The following KRI1 variants were observed in gnomAD, a reference collection of about 807,000 sequenced individuals.
KRI1 encodes the protein protein KRI1 homolog.
In KRI1, 83 loss-of-function variants were observed where a neutral mutation model predicts 97.0. The ratio of observed to expected loss-of-function variants is 0.86; its 90% CI spans 0.72 to 1.03. The LOEUF (loss-of-function observed/expected upper bound fraction) is 1.03, where lower values mean the gene tolerates loss of function less well. Ranked by LOEUF, KRI1 falls within the 50% of genes least tolerant of loss-of-function variation. KRI1 has a pLI of 0.00. For synonymous variants in KRI1, 371 were observed against 363.5 expected (o/e 1.02, Z -0.23); for missense variants, 916 against 928.4 (o/e 0.99, Z 0.17).
chr19:10,554,580 G>A lies in KRI1; in HGVS notation c.1782-299C>T, dbSNP rs545458032. 3.6e-4 allele frequency among the ~76,000 whole-genome samples: 55 copies of A among 152,126 alleles called. No homozygotes were observed. The South Asian group carries it at 9.4e-3, about 26-fold the overall frequency. Reference sequence around the variant, plus strand: ...TCTTCCTTAGAGACAAGGTCTTGCTGTGTCGCCCAGGCTGGAGTGCAGTCG... The same window carrying A: ...TCTTCCTTAGAGACAAGGTCTTGCTATGTCGCCCAGGCTGGAGTGCAGTCG... On this transcript the variant is annotated intron_variant, in intron 18 of 18. Transcript: ENST00000312962.
chr19:10,558,077 C>A lies in KRI1; in HGVS notation c.1271-17G>T. On this transcript the variant is annotated splice_polypyrimidine_tract_variant and intron_variant, in intron 13 of 18. Transcript: ENST00000312962. The stretch of plus-strand genomic sequence containing the variant: ...TCCAGTCGTCTGGATGCAGGGAGAA[C>A]AGACAGGTGGGGCCAGGGTGGGACC... 3 of 1,614,062 alleles carry A rather than the reference C, an allele frequency of 1.9e-6. No individual in the cohort carries two copies. Among genetic ancestry groups the A allele is most frequent in the Non-Finnish European group, 2.5e-6 (3 of 1,179,992 alleles).
At position 10,558,009 on chromosome 19, in the gene KRI1, C is replaced by T. The variant is rs1430720324; in HGVS notation, c.1322G>A (p.Ser441Asn). ...WDGPEQEGDW[S>N]QQELHCEDPN... ...GTCCTCACAGTGCAGCTCCTGCTGGCTCCAGTCTCCCTCCTGCTCAGGCCC... is the reference window on the plus strand; with the variant it reads ...GTCCTCACAGTGCAGCTCCTGCTGGTTCCAGTCTCCCTCCTGCTCAGGCCC... The change falls in exon 14 of 19, where the codon AGC becomes AAC. Residue 441 changes from serine to asparagine, a missense_variant. This residue lies in a region of KRI1 where 672 missense variants were observed against 667.2 expected (regional missense o/e 1.01). Transcript: ENST00000312962. 6.2e-7 allele frequency: 1 copy of T among 1,614,108 alleles called. No individual in the cohort carries two copies. The highest frequency in any genetic ancestry group is 1.1e-5 in the South Asian group (1 of 91,082).
chr19:10,565,572 G>T, intron 2 of KRI1, 145 bp downstream of exon 2: 1 of 1,062,266 alleles, frequency 9.4e-7, no homozygotes, highest in Non-Finnish European at 1.3e-6. Context: ...GGCACTGTCT[G>T]TCCCTCATGG....
intron 3 of KRI1, 63 bp downstream of exon 3, chr19:10,564,866 C>T: frequency 9.6e-7 from 1 of 1,043,252 alleles, no homozygotes. Flanking sequence ...AATCCACAGT[C>T]AGGAAAGGAC....
At position 10,557,853 on chromosome 19, in the gene KRI1, G is replaced by A. The variant is rs747542900; in HGVS notation, c.1402C>T (p.Arg468Cys). 7.0e-5 allele frequency: 113 copies of A among 1,613,420 alleles called. No homozygotes were observed. Among genetic ancestry groups the A allele is most frequent in the East Asian group, 3.3e-4 (15 of 44,888 alleles). The part of the protein sequence containing the change: ...YDPSQPRKKK[R>C]EAPLTGKKKR... ...TTCTTGCCCGTCAAGGGGGCCTCGC[G>A]CTTTTTCTTCCTCGGCTGGCTGGGG... The change falls in exon 15 of 19, where the codon CGC becomes TGC. Residue 468 changes from arginine (R) to cysteine (C), a missense_variant. Physicochemically the swap from Arg to Cys is radical, Grantham distance 180. This residue lies in a region of KRI1 where 672 missense variants were observed against 667.2 expected (regional missense o/e 1.01). Transcript: ENST00000312962.
At chr19:10,556,881 T>G (rs915015124) in intron 16 of KRI1, among the ~76,000 whole-genome samples, 8 of 151,908 alleles carry the variant, frequency 5.3e-5, no homozygotes, top group Non-Finnish European at 2.9e-5. Context: ...CACATGCCTG[T>G]AGTCCCAGCT....
chr19:10,560,063 T>C (rs780287310), intron 9 of KRI1, 127 bp from the exon 10 acceptor site: 8 of 1,277,272 alleles, frequency 6.3e-6, no homozygotes, highest in Non-Finnish European at 6.3e-6. Context: ...AGGTGCACGC[T>C]GCTATTGTCC....
rs766134474 is a variant in KRI1, at chr19:10,557,689, G to C, written c.1487-7C>G. On this transcript the variant is annotated splice_region_variant and splice_polypyrimidine_tract_variant and intron_variant, in intron 15 of 18. Transcript: ENST00000312962. ...TCCTCGAACGTCTTGTCCCCTGCTC[G>C]AGACAGAGCCAGGCTGCTGGGCTAT... is the stretch of plus-strand genomic sequence containing the variant. The C allele has an allele frequency of 6.2e-7, 1 of 1,614,196 alleles. No individual in the cohort carries two copies. The highest frequency in any genetic ancestry group is 8.5e-7 in the Non-Finnish European group (1 of 1,180,026).
At chr19:10,559,591 C>G in intron 11 of KRI1, 22 bp downstream of exon 11, 1 of 1,613,658 alleles carries the variant, frequency 6.2e-7, no homozygotes, top group Non-Finnish European at 8.5e-7. Context: ...GGGGTCCTCC[C>G]CAGCTCACCC....
rs1329616887 is a variant in KRI1, at chr19:10,555,294, C to CAGGT, written c.1669_1672dup (p.Cys558TyrfsTer53). The CAGGT allele has an allele frequency of 6.3e-7, 1 of 1,576,744 alleles. No individual in the cohort carries two copies. Among genetic ancestry groups the CAGGT allele is most frequent in the East Asian group, 2.4e-5 (1 of 41,850 alleles). The stretch of plus-strand genomic sequence containing the variant: ...CGCCCCGCCCCATCACCTGTACATG[C>CAGGT]AGGTCTTCTTTAGGGAGCACCACCG... On this transcript the variant is annotated frameshift_variant, in exon 17 of 19. Coordinates refer to ENST00000312962, the MANE Select transcript of KRI1 (RefSeq NM_023008.5). LOFTEE classifies it high-confidence loss of function.
At position 10,562,974 on chromosome 19, in the gene KRI1, T is replaced by C. The variant is rs569889319; in HGVS notation, c.275-137A>G. 2.2e-5 allele frequency: 14 copies of C among 625,096 alleles called. No individual in the cohort carries two copies. The East Asian group carries it at 3.4e-4, about 15-fold the overall frequency. The allele number at this position is 625,096 out of a possible 1,614,324, so 38.7% of individuals were successfully genotyped here. A position where few individuals can be genotyped will look rare whatever the true frequency, so the allele number is the denominator to read the frequency against. Reference sequence around the variant, plus strand: ...ACCAATTCCCAGCTGTCCAAGAGTATTGTGCTTGTCACCATCTGGTGGGGT... The same window carrying C: ...ACCAATTCCCAGCTGTCCAAGAGTACTGTGCTTGTCACCATCTGGTGGGGT... On this transcript the variant is annotated intron_variant, in intron 3 of 18. Coordinates refer to ENST00000312962, the MANE Select transcript of KRI1 (RefSeq NM_023008.5).
At chr19:10,562,859 C>T in intron 3 of KRI1, 22 bp from the exon 4 acceptor site, 6 of 1,409,948 alleles carry the variant, frequency 4.3e-6, no homozygotes, top group Non-Finnish European at 6.0e-6. Context: ...CCAAAGACAC[C>T]TGCCATCACC....
intron 16 of KRI1, among the ~76,000 whole-genome samples, chr19:10,557,080 A>T (rs1455353182): frequency 4.0e-5 from 6 of 151,862 alleles, no homozygotes; most frequent in African/African-American, 1.2e-4. Flanking sequence ...GAGGTGAGGT[A>T]ATGTTATTAG....
chr19:10,557,441 G>C, intron 16 of KRI1, 111 bp downstream of exon 16: 1 of 1,192,418 alleles, frequency 8.4e-7, no homozygotes, highest in South Asian at 1.4e-5. Context: ...GAAACAGCCT[G>C]CCATGTTGTG....
Position 10,553,160 on chromosome 19 carries a change from T to A in KRI1, c.*791A>T. ...TCTTGAGCTCTGGCAGTGATGATGG[T>A]ACTTCCTGTTGTCAGCCCCTCAAGC... On this transcript the variant is annotated 3_prime_UTR_variant, in exon 19 of 19. Coordinates refer to ENST00000312962, the MANE Select transcript of KRI1 (RefSeq NM_023008.5). 1 of 1,413,964 alleles carries A rather than the reference T, an allele frequency of 7.1e-7. No homozygotes were observed. Among genetic ancestry groups the A allele is most frequent in the Non-Finnish European group, 9.4e-7 (1 of 1,065,196 alleles). The allele number at this position is 1,413,964 out of a possible 1,614,324, so 87.6% of individuals were successfully genotyped here.
At chr19:10,558,682 A>G (rs1916596763) in intron 12 of KRI1, among the ~76,000 whole-genome samples, 1 of 151,442 alleles carries the variant, frequency 6.6e-6, no homozygotes, top group Non-Finnish European at 1.5e-5. Flanking sequence ...AGCTGGGATT[A>G]CAGGCATGTG....
intron 8 of KRI1, 33 bp downstream of exon 8, chr19:10,560,970 C>G (rs1383686068): frequency 2.0e-6 from 3 of 1,529,318 alleles, no homozygotes; most frequent in Non-Finnish European, 2.7e-6. Context: ...AACACGCGGT[C>G]TACTCCATCA....
At chr19:10,557,943 C>G (rs753643282) in intron 14 of KRI1, 29 bp downstream of exon 14, 17 of 1,613,946 alleles carry the variant, frequency 1.1e-5, no homozygotes, top group Non-Finnish European at 1.4e-5. Context: ...GTCAGGGCCC[C>G]TGGGACTCCC....
chr19:10,561,618 C>T (rs764662426), intron 6 of KRI1, 49 bp downstream of exon 6: 11 of 1,588,440 alleles, frequency 6.9e-6, no homozygotes, highest in Middle Eastern at 1.7e-4. Flanking sequence ...ATCCAACCCC[C>T]GAGCCTCAAC....
Sources: allele counts gnomAD v4.1 joint callset (sites outside exome capture counted in the v4.1 genomes callset), GRCh38; gene constraint gnomAD v4.1.1; regional missense constraint gnomAD v4.1.1; transcripts MANE v1.5; gene names NCBI Gene and HGNC (gene_info 2026-07-23, HGNC 2026-07-21).